Variants in TESK2 observed in about 807,000 individuals in gnomAD.
TESK2 encodes the protein testis associated actin remodelling kinase 2, also known as dual specificity testis-specific protein kinase 2.
In TESK2, 39 loss-of-function variants were observed where a neutral mutation model predicts 57.1. That is an observed-to-expected ratio of 0.68 (90% CI 0.53 to 0.89). TESK2 has a LOEUF of 0.89. Ranked by LOEUF, TESK2 falls within the 40% of genes least tolerant of loss-of-function variation. The pLI is 0.00. For synonymous variants in TESK2, 249 were observed against 267.9 expected (o/e 0.93, Z 0.69); for missense variants, 646 against 732.1 (o/e 0.88, Z 1.36).
At chr1:45,482,414 G>A (rs959137485) in intron 1 of TESK2, among the ~76,000 whole-genome samples, 3 of 152,014 alleles carry the variant, frequency 2.0e-5, no homozygotes, top group African/African-American at 7.2e-5. Context: ...TGTAGTCCCA[G>A]CTACTCAGGA....
chr1:45,346,815 C>A, intron 8 of TESK2, 36 bp from the exon 9 acceptor site: 2 of 1,594,042 alleles, frequency 1.3e-6, no homozygotes, highest in Non-Finnish European at 1.7e-6. Flanking sequence ...GTAGACAGTT[C>A]ATTAATCCCC....
chr1:45,424,033 C>T (rs1570715736), intron 2 of TESK2, among the ~76,000 whole-genome samples: 2 of 152,160 alleles, frequency 1.3e-5, no homozygotes, highest in African/African-American at 2.4e-5. Context: ...AGATCTTTCT[C>T]GTTAAAAAAA....
intron 3 of TESK2, among the ~76,000 whole-genome samples, chr1:45,398,099 G>C (rs1649439823): frequency 6.6e-6 from 1 of 151,964 alleles, no homozygotes; most frequent in African/African-American, 2.4e-5. Flanking sequence ...TGTAGAGATG[G>C]GGTTTCCTTA....
At chr1:45,423,220 A>G (rs1650550250) in intron 2 of TESK2, among the ~76,000 whole-genome samples, 1 of 152,182 alleles carries the variant, frequency 6.6e-6, no homozygotes, top group South Asian at 2.1e-4. Flanking sequence ...AACTGTCTTT[A>G]TAAGATGCTA....
intron 2 of TESK2, among the ~76,000 whole-genome samples, chr1:45,436,511 C>T (rs1289188139): frequency 2.9e-4 from 16 of 54,406 alleles, no homozygotes; most frequent in African/African-American, 1.1e-3. Context: ...TTTTTTGAGA[C>T]GGAGTTTCAC....
chr1:45,487,756 C>A (rs949640015), intron 1 of TESK2, among the ~76,000 whole-genome samples: 5 of 152,156 alleles, frequency 3.3e-5, no homozygotes, highest in African/African-American at 1.2e-4. Context: ...CCCATTTTAT[C>A]TTTCTGTCCT....
At chr1:45,469,367 G>A (rs1333529238) in intron 1 of TESK2, among the ~76,000 whole-genome samples, 1 of 152,000 alleles carries the variant, frequency 6.6e-6, no homozygotes, top group Non-Finnish European at 1.5e-5. Flanking sequence ...TTCTACCAAG[G>A]GTTTTGTATG....
intron 4 of TESK2, among the ~76,000 whole-genome samples, chr1:45,370,745 G>C (rs956808832): frequency 1.3e-5 from 2 of 152,118 alleles, no homozygotes; most frequent in African/African-American, 4.8e-5. Flanking sequence ...ACTGAAAGAG[G>C]TTCAGTACAG....
intron 1 of TESK2, among the ~76,000 whole-genome samples, chr1:45,463,209 A>G (rs1244183058): frequency 3.3e-5 from 5 of 151,958 alleles, no homozygotes; most frequent in Admixed American, 1.3e-4. Flanking sequence ...TGACTGCTTC[A>G]TTTTCTGTGC....
chr1:45,348,205 T>A (rs1453952942), intron 5 of TESK2, among the ~76,000 whole-genome samples: 3 of 152,134 alleles, frequency 2.0e-5, no homozygotes, highest in African/African-American at 7.2e-5. Context: ...TGGGTGGCTG[T>A]CCTAGGATAC....
At chr1:45,455,240 T>C (rs975797236) in intron 2 of TESK2, among the ~76,000 whole-genome samples, 9 of 152,220 alleles carry the variant, frequency 5.9e-5, no homozygotes, top group Admixed American at 5.9e-4. Flanking sequence ...ATTATAATCA[T>C]AAGGCTTTTG....
At chr1:45,425,920 G>A (rs1046959944) in intron 2 of TESK2, among the ~76,000 whole-genome samples, 1 of 151,896 alleles carries the variant, frequency 6.6e-6, no homozygotes, top group African/African-American at 2.4e-5. Flanking sequence ...CGAGGTGGGT[G>A]GATCACCTGA....
intron 5 of TESK2, among the ~76,000 whole-genome samples, chr1:45,348,979 A>T (rs528527336): frequency 6.6e-6 from 1 of 151,940 alleles, no homozygotes; most frequent in Admixed American, 6.6e-5. Flanking sequence ...GCTCTCCCCA[A>T]ATAGCTGCTT....
rs748264041 is a variant in TESK2, at chr1:45,345,449, T to C, written c.1107A>G (p.Ser369=). 1.9e-6 allele frequency: 3 copies of C among 1,614,016 alleles called. No individual in the cohort carries two copies. Among genetic ancestry groups the C allele is most frequent in the African/African-American group, 2.7e-5 (2 of 74,898 alleles). The part of the protein sequence containing the change: ...RRTIWLSRSQ[S]DIFSRKPPRT... Reference sequence around the variant, plus strand: ...GTGGGGGCTTACGGGAAAAGATATCTGACTGGCTTCGAGACAGCCAGATGG... The same window carrying C: ...GTGGGGGCTTACGGGAAAAGATATCCGACTGGCTTCGAGACAGCCAGATGG... The change falls in exon 11 of 11, where the codon TCA becomes TCG. Residue 369 remains serine, a synonymous_variant. Coordinates refer to ENST00000372086, the MANE Select transcript of TESK2 (RefSeq NM_007170.3).
chr1:45,457,204 G>A (rs1211174458), intron 2 of TESK2, among the ~76,000 whole-genome samples: 1 of 152,076 alleles, frequency 6.6e-6, no homozygotes, highest in African/African-American at 2.4e-5. Flanking sequence ...TTTAAGGTGT[G>A]TGCATAATAT....
intron 9 of TESK2, 102 bp downstream of exon 9, chr1:45,346,591 G>C (rs1449490613): frequency 4.3e-6 from 4 of 926,962 alleles, no homozygotes; most frequent in Non-Finnish European, 5.1e-6. Flanking sequence ...GTGAAAATGA[G>C]GTCCCTCATG....
Position 45,424,824 on chromosome 1 carries a change from C to T in TESK2, c.223-2978G>A, listed in dbSNP as rs545482025. 3.9e-4 allele frequency among the ~76,000 whole-genome samples: 59 copies of T among 152,270 alleles called. 1 individual carries two copies. Among genetic ancestry groups the T allele is most frequent in the African/African-American group, 1.4e-3 (57 of 41,558 alleles). ...GAATGAGGGACAAAAACCATATGAT[C>T]ATTTCAATTAATGCTGAAAAAGCAT... On this transcript the variant is annotated intron_variant, in intron 2 of 10. Coordinates refer to ENST00000372086, the MANE Select transcript of TESK2 (RefSeq NM_007170.3).
intron 3 of TESK2, among the ~76,000 whole-genome samples, chr1:45,409,377 G>A (rs1199355993): frequency 6.6e-6 from 1 of 152,196 alleles, no homozygotes; most frequent in East Asian, 1.9e-4. Context: ...AGCTTAATGT[G>A]TCTGAGAAAC....
chr1:45,392,609 G>A (rs1649192782), intron 3 of TESK2, among the ~76,000 whole-genome samples: 1 of 152,102 alleles, frequency 6.6e-6, no homozygotes, highest in Admixed American at 6.5e-5. Flanking sequence ...GCTGAGGCAG[G>A]AGAATTGCTT....
Sources: allele counts gnomAD v4.1 joint callset (sites outside exome capture counted in the v4.1 genomes callset), GRCh38; gene constraint gnomAD v4.1.1; transcripts MANE v1.5; gene names NCBI Gene and HGNC (gene_info 2026-07-23, HGNC 2026-07-21).